ZNF717: variants seen among roughly 807,000 people sequenced by gnomAD.
The protein encoded by ZNF717 is zinc finger protein 717, also known as krueppel-like factor X17.
Under a neutral mutation model 13.8 loss-of-function variants are expected in ZNF717, and 9 were observed. That is an observed-to-expected ratio of 0.65 (90% confidence interval 0.39 to 1.14). The LOEUF is 1.14. Among genes scored for constraint, ZNF717 ranks in the 50% most tolerant of loss-of-function variants. ZNF717 has a pLI of 0.01. For synonymous variants in ZNF717, 327 were observed against 364.1 expected (o/e 0.90, Z 1.16); for missense variants, 1,040 against 1,080.7 (o/e 0.96, Z 0.53).
chr3:75,776,507 A>C (rs1944334958), intron 2 of ZNF717, among the ~76,000 whole-genome samples: 1 of 152,276 alleles, frequency 6.6e-6, no homozygotes, highest in Admixed American at 6.5e-5. Flanking sequence ...CCAGCTAAAG[A>C]AAGCCTTTTA....
intron 1 of ZNF717, among the ~76,000 whole-genome samples, chr3:75,784,284 T>C (rs550452251): frequency 3.9e-4 from 59 of 152,246 alleles, no homozygotes; most frequent in Admixed American, 7.8e-4. Flanking sequence ...TTCAAACAAA[T>C]AAAATGGTGG....
chr3:75,727,235 T>C (rs145179305), downstream of ZNF717, among the ~76,000 whole-genome samples: 1 of 45,920 alleles, frequency 2.2e-5, no homozygotes, highest in African/African-American at 5.4e-5. Flanking sequence ...TTGTAAAACA[T>C]GTGTGTTCAA....
downstream of ZNF717, among the ~76,000 whole-genome samples, chr3:75,734,320 C>G (rs1575742195): frequency 6.6e-6 from 1 of 152,146 alleles, no homozygotes; most frequent in Admixed American, 6.6e-5. Flanking sequence ...CCACCCATCT[C>G]GGCCTCCCAA....
chr3:75,767,544 C>A (rs1207432391), intron 2 of ZNF717, among the ~76,000 whole-genome samples: 2 of 152,176 alleles, frequency 1.3e-5, no homozygotes, highest in African/African-American at 4.8e-5. Flanking sequence ...ACCATTCATG[C>A]AAGCTGGAAG....
At chr3:75,709,382 G>GC (rs1937884696), downstream of ZNF717, among the ~76,000 whole-genome samples, 1 of 152,096 alleles carries the variant, frequency 6.6e-6, no homozygotes, top group South Asian at 2.1e-4. Flanking sequence ...AACCATTCAT[G>GC]AAGGACCTGC....
At chr3:75,772,007 C>T (rs563149692) in intron 2 of ZNF717, among the ~76,000 whole-genome samples, 3,223 of 150,028 alleles carry the variant, frequency 0.021, no homozygotes, top group South Asian at 0.12. Flanking sequence ...GTCACCTCGC[C>T]CCCCTCCAGA....
In ZNF717 at chr3:75,715,050, A is replaced by ATT. The variant is rs147089416; in HGVS notation, n.667+1367_667+1368dup. ...TAAAAGACAGTTGAACCCAAATTATATTTTTTGGCAAAATGTAAAACATGG... is the reference window on the plus strand; with the variant it reads ...TAAAAGACAGTTGAACCCAAATTATATTTTTTTTGGCAAAATGTAAAACATGG... On this transcript the variant is annotated intron_variant and non_coding_transcript_variant, in intron 5 of 5. Coordinates refer to the ZNF717 transcript ENST00000491507. 2.0e-5 allele frequency among the ~76,000 whole-genome samples: 3 copies of ATT among 152,336 alleles called. No individual in the cohort carries two copies. The South Asian group carries it at 6.2e-4, about 32-fold the overall frequency.
At chr3:75,741,923 G>T (rs1940518982) in intron 2 of ZNF717, 187 bp from the exon 3 acceptor site, 2 of 664,666 alleles carry the variant, frequency 3.0e-6, no homozygotes, top group Non-Finnish European at 5.0e-6. Context: ...CTTGTCAAAA[G>T]AACAAGAATC....
chr3:75,779,620 G>C (rs1944644227), intron 2 of ZNF717, among the ~76,000 whole-genome samples: 1 of 150,104 alleles, frequency 6.7e-6, no homozygotes, highest in South Asian at 2.1e-4. Flanking sequence ...GTGCTAAACA[G>C]GAACCCAAAA....
Position 75,751,904 on chromosome 3 carries a change from G to T in ZNF717, c.58-10168C>A, listed in dbSNP as rs1377711484. On this transcript the variant is annotated intron_variant, in intron 2 of 4. Transcript: ENST00000652011. ...GTATGAATGATTTTCCCTCACACAGGATTCCAAAACACTGCTGCTGGGATG... is the reference window on the plus strand; with the variant it reads ...GTATGAATGATTTTCCCTCACACAGTATTCCAAAACACTGCTGCTGGGATG... Among the ~76,000 whole-genome samples the T allele has an allele frequency of 1.1e-4, 17 of 151,732 alleles. 2 individuals are homozygous for T. Among genetic ancestry groups the T allele is most frequent in the Admixed American group, 1.1e-3 (17 of 15,258 alleles).
At chr3:75,743,736 T>G (rs1575795247) in intron 2 of ZNF717, among the ~76,000 whole-genome samples, 1 of 152,398 alleles carries the variant, frequency 6.6e-6, no homozygotes, top group South Asian at 2.1e-4. Context: ...GGTACCAATT[T>G]GCTGTGCACT....
chr3:75,713,900 G>A (rs1476520049), intron 5 of ZNF717, among the ~76,000 whole-genome samples: 2 of 152,148 alleles, frequency 1.3e-5, no homozygotes, highest in Admixed American at 1.3e-4. Flanking sequence ...CCAATGATAG[G>A]TAAGGTCACA....
intron 2 of ZNF717, among the ~76,000 whole-genome samples, chr3:75,755,655 G>C (rs535780788): frequency 2.6e-5 from 4 of 152,288 alleles, no homozygotes; most frequent in Non-Finnish European, 4.4e-5. Context: ...AGTGTTATAT[G>C]AAAGTGGACT....
At chr3:75,700,676 A>T (rs113558878) in intron 6 of ZNF717, among the ~76,000 whole-genome samples, 9 of 151,938 alleles carry the variant, frequency 5.9e-5, no homozygotes, top group East Asian at 3.9e-4. Context: ...TGCCAAGAAC[A>T]TACAATAAAA....
At chr3:75,762,539 C>A (rs1340817136) in intron 2 of ZNF717, among the ~76,000 whole-genome samples, 1 of 150,918 alleles carries the variant, frequency 6.6e-6, no homozygotes, top group East Asian at 1.9e-4. Context: ...CCAAAAACTA[C>A]AAAACACTGT....
At chr3:75,778,321 C>T (rs1246533559) in intron 2 of ZNF717, among the ~76,000 whole-genome samples, 1 of 151,646 alleles carries the variant, frequency 6.6e-6, no homozygotes, top group Non-Finnish European at 1.5e-5. Flanking sequence ...TCTGCTAAAA[C>T]CGGAACCCAA....
At chr3:75,764,966 C>G (rs1943321013) in intron 2 of ZNF717, among the ~76,000 whole-genome samples, 1 of 142,632 alleles carries the variant, frequency 7.0e-6, no homozygotes, top group South Asian at 2.3e-4. Context: ...AACGTCCATC[C>G]AGGAATGGAC....
At chr3:75,716,803 C>A (rs1329209174) in intron 4 of ZNF717, among the ~76,000 whole-genome samples, 1 of 152,184 alleles carries the variant, frequency 6.6e-6, no homozygotes, top group African/African-American at 2.4e-5. Context: ...CCAGGGCAGC[C>A]TCTCCCAAGA....
intron 2 of ZNF717, among the ~76,000 whole-genome samples, chr3:75,744,814 C>CAAG (rs1940960866): frequency 6.7e-6 from 1 of 149,416 alleles, no homozygotes; most frequent in Non-Finnish European, 1.5e-5. Context: ...AAGGCTTGTC[C>CAAG]ACAGGAGAAA....
Sources: allele counts gnomAD v4.1 joint callset (sites outside exome capture counted in the v4.1 genomes callset), GRCh38; gene constraint gnomAD v4.1.1; transcripts MANE v1.5; gene names NCBI Gene and HGNC (gene_info 2026-07-23, HGNC 2026-07-21).